KCNQ3: variants seen among roughly 807,000 people sequenced by gnomAD.
The protein encoded by KCNQ3 is potassium voltage-gated channel subfamily Q member 3, also known as potassium voltage-gated channel subfamily KQT member 3.
Under a neutral mutation model 92.5 loss-of-function variants are expected in KCNQ3, and 30 were observed. The ratio of observed to expected loss-of-function variants is 0.32; its 90% confidence interval spans 0.24 to 0.44. The LOEUF (loss-of-function observed/expected upper bound fraction) is 0.44, where lower values mean the gene tolerates loss of function less well. KCNQ3 is among the 20% of genes least tolerant of loss of function. The pLI, the probability that KCNQ3 is intolerant of heterozygous loss-of-function variation, is 1.00. For missense variants in KCNQ3, 913 were observed against 1,140.3 expected (o/e 0.80, Z 2.87); for synonymous variants, 450 against 468.8 (o/e 0.96, Z 0.52).
intron 1 of KCNQ3, among the ~76,000 whole-genome samples, chr8:132,239,699 C>T (rs1490328617): frequency 6.6e-6 from 1 of 152,160 alleles, no homozygotes; most frequent in East Asian, 1.9e-4. Flanking sequence ...CATATATGAC[C>T]AATTTTAGAT....
At chr8:132,207,266 G>A (rs536374754) in intron 1 of KCNQ3, among the ~76,000 whole-genome samples, 1 of 152,288 alleles carries the variant, frequency 6.6e-6, no homozygotes, top group East Asian at 1.9e-4. Flanking sequence ...ACGATCTCTA[G>A]GGTAAGGTAT....
intron 1 of KCNQ3, among the ~76,000 whole-genome samples, chr8:132,204,616 AC>A (rs1424924067): frequency 1.3e-5 from 2 of 152,186 alleles, no homozygotes; most frequent in Admixed American, 1.3e-4. Flanking sequence ...ACACAGAGCC[AC>A]TTGGCATTTG....
chr8:132,329,495 A>T (rs1014825327), intron 1 of KCNQ3, among the ~76,000 whole-genome samples: 1 of 151,928 alleles, frequency 6.6e-6, no homozygotes, highest in African/African-American at 2.4e-5. Flanking sequence ...ATAAACCTTC[A>T]TTGCCATCAA....
chr8:132,265,041 C>T (rs1261822962), intron 1 of KCNQ3, among the ~76,000 whole-genome samples: 1 of 152,100 alleles, frequency 6.6e-6, no homozygotes, highest in Non-Finnish European at 1.5e-5. Context: ...CACAACTGTC[C>T]CACCTGTAAA....
chr8:132,132,176 T>G lies in KCNQ3; in HGVS notation c.1884+4A>C. Reference sequence around the variant, plus strand: ...GTTTTTGGTGAGAGGAAGAAAAGACTTACCTGTCTTTCAACTTTTACAAAC... The same window carrying G: ...GTTTTTGGTGAGAGGAAGAAAAGACGTACCTGTCTTTCAACTTTTACAAAC... On this transcript the variant is annotated splice_donor_region_variant and intron_variant, in intron 14 of 14. Transcript: ENST00000388996. 1.3e-6 allele frequency: 2 copies of G among 1,579,544 alleles called. No individual in the cohort carries two copies. The highest frequency in any genetic ancestry group is 2.2e-5 in the South Asian group (2 of 90,386).
chr8:132,285,065 A>AT (rs1259816281), intron 1 of KCNQ3, among the ~76,000 whole-genome samples: 1 of 152,170 alleles, frequency 6.6e-6, no homozygotes, highest in African/African-American at 2.4e-5. Context: ...AGTCATAGGT[A>AT]TTTTTTTGGT....
chr8:132,180,363 AG>A, intron 3 of KCNQ3, 34 bp from the exon 4 acceptor site: 1 of 1,610,566 alleles, frequency 6.2e-7, no homozygotes, highest in Non-Finnish European at 8.5e-7. Context: ...GGGAGGGAAG[AG>A]GGAAAGGAAG....
At chr8:132,206,663 C>T (rs1813667640) in intron 1 of KCNQ3, among the ~76,000 whole-genome samples, 1 of 152,090 alleles carries the variant, frequency 6.6e-6, no homozygotes, top group Admixed American at 6.5e-5. Flanking sequence ...ACTAATGATC[C>T]TTTGAATTTC....
intron 1 of KCNQ3, among the ~76,000 whole-genome samples, chr8:132,322,147 T>C (rs1398105403): frequency 1.3e-5 from 2 of 152,156 alleles, no homozygotes; most frequent in Non-Finnish European, 2.9e-5. Context: ...AAAGAGACTT[T>C]AGCTTGCAAT....
chr8:132,405,739 A>T (rs907645576), intron 1 of KCNQ3, among the ~76,000 whole-genome samples: 7 of 152,224 alleles, frequency 4.6e-5, no homozygotes, highest in African/African-American at 1.7e-4. Flanking sequence ...TCTTCATTCC[A>T]TCAACATTTC....
rs1011750724 is a variant in KCNQ3, at chr8:132,480,441, C to G, written c.92G>C (p.Gly31Ala). 3 of 1,418,142 alleles carry G rather than the reference C, an allele frequency of 2.1e-6. No individual in the cohort carries two copies. The African/African-American group carries it at 4.4e-5, about 21-fold the overall frequency. 87.8% of individuals were successfully genotyped at this position (1,418,142 alleles called of 1,614,324 possible). A position where few individuals can be genotyped will look rare whatever the true frequency, so the allele number is the denominator to read the frequency against. Residue 31 changes from glycine to alanine, a missense_variant, in exon 1 of 15, where the codon GGG becomes GCG. Transcript: ENST00000388996. Reference protein sequence around the residue: ...GGGGAANPAGGDAAAAGDEER... With the variant: ...GGGGAANPAGADAAAAGDEER... ...CTCGTCGCCGGCCGCCGCCGCGTCC[C>G]CTCCGGCTGGGTTAGCCGCCCCGCC...
At chr8:132,334,487 T>C (rs962172641) in intron 1 of KCNQ3, among the ~76,000 whole-genome samples, 1 of 152,210 alleles carries the variant, frequency 6.6e-6, no homozygotes, top group African/African-American at 2.4e-5. Flanking sequence ...TTTCCTTAAG[T>C]AAGTTCCTCA....
intron 1 of KCNQ3, among the ~76,000 whole-genome samples, chr8:132,287,224 T>A (rs1385831015): frequency 6.6e-6 from 1 of 152,226 alleles, no homozygotes; most frequent in African/African-American, 2.4e-5. Flanking sequence ...GTTCAAAGAC[T>A]GGCTGAGAAT....
At chr8:132,218,668 T>C (rs1814120236) in intron 1 of KCNQ3, among the ~76,000 whole-genome samples, 1 of 151,918 alleles carries the variant, frequency 6.6e-6, no homozygotes, top group Non-Finnish European at 1.5e-5. Context: ...CAGAGGGAGG[T>C]CAAAATCTGG....
chr8:132,253,952 T>C (rs1815495047), intron 1 of KCNQ3, among the ~76,000 whole-genome samples: 1 of 152,174 alleles, frequency 6.6e-6, no homozygotes, highest in Non-Finnish European at 1.5e-5. Context: ...TTCAAGTGCA[T>C]AAACAGCCCA....
chr8:132,313,892 A>G (rs1333740142), intron 1 of KCNQ3, among the ~76,000 whole-genome samples: 11 of 152,178 alleles, frequency 7.2e-5, no homozygotes, highest in African/African-American at 1.2e-4. Context: ...TTAACACTTA[A>G]TAAGTTCCCA....
At chr8:132,247,927 A>G (rs2130429632) in intron 1 of KCNQ3, among the ~76,000 whole-genome samples, 1 of 152,212 alleles carries the variant, frequency 6.6e-6, no homozygotes, top group South Asian at 2.1e-4. Context: ...CACTTGACGA[A>G]TGTTAGCTCA....
intron 1 of KCNQ3, among the ~76,000 whole-genome samples, chr8:132,276,177 A>T (rs1312502861): frequency 6.6e-6 from 1 of 152,226 alleles, no homozygotes; most frequent in Non-Finnish European, 1.5e-5. Context: ...TTTTATAAAA[A>T]TGAAAATAAT....
chr8:132,252,793 C>T (rs1040317131), intron 1 of KCNQ3, among the ~76,000 whole-genome samples: 3 of 152,164 alleles, frequency 2.0e-5, no homozygotes, highest in African/African-American at 7.2e-5. Context: ...GTTTACAATC[C>T]TTTAGCTAGA....
Sources: allele counts gnomAD v4.1 joint callset (sites outside exome capture counted in the v4.1 genomes callset), GRCh38; gene constraint gnomAD v4.1.1; transcripts MANE v1.5; gene names NCBI Gene and HGNC (gene_info 2026-07-23, HGNC 2026-07-21).